ROBO1: variants seen among roughly 807,000 people sequenced by gnomAD.
The protein encoded by ROBO1 is roundabout homolog 1.
Under a neutral mutation model 195.9 loss-of-function variants are expected in ROBO1, and 149 were observed. That is an observed-to-expected ratio of 0.76 (90% CI 0.67 to 0.87). The LOEUF (loss-of-function observed/expected upper bound fraction) is 0.87. ROBO1 is among the 40% of genes least tolerant of loss of function. The pLI, the probability that ROBO1 is intolerant of heterozygous loss-of-function variation, is 0.00. For synonymous variants in ROBO1, 816 were observed against 733.2 expected (o/e 1.11, Z -1.82); for missense variants, 1,933 against 2,068.3 (o/e 0.93, Z 1.27).
intron 3 of ROBO1, among the ~76,000 whole-genome samples, chr3:79,025,329 C>A (rs138356710): frequency 6.6e-6 from 1 of 152,234 alleles, no homozygotes; most frequent in African/African-American, 2.4e-5. Context: ...ATCCTTTCCA[C>A]TTGTTTATTT....
At chr3:78,860,328 T>TATATA (rs1559934346) in intron 4 of ROBO1, among the ~76,000 whole-genome samples, 71 of 31,268 alleles carry the variant, frequency 2.3e-3, no homozygotes, top group Non-Finnish European at 3.1e-3. Flanking sequence ...ATATATATAT[T>TATATA]TTTTTTTTTT....
At chr3:79,353,369 C>CA (rs2035419288) in intron 2 of ROBO1, among the ~76,000 whole-genome samples, 1 of 149,548 alleles carries the variant, frequency 6.7e-6, no homozygotes, top group Non-Finnish European at 1.5e-5. Flanking sequence ...GAATTAACCT[C>CA]AAAAAAAGAA....
chr3:78,809,802 G>T (rs2084675333), intron 4 of ROBO1, among the ~76,000 whole-genome samples: 1 of 141,882 alleles, frequency 7.0e-6, no homozygotes, highest in Non-Finnish European at 1.6e-5. Flanking sequence ...AGAACACATG[G>T]ACACAGGGAG....
Position 78,627,574 on chromosome 3 carries a change from A to G in ROBO1, c.3627-5T>C, listed in dbSNP as rs759350817. ...CATGGCATTTCTTGGTCATAGCTAAAATAAATGATAAGGATGTGTAGACTT... is the reference window on the plus strand; with the variant it reads ...CATGGCATTTCTTGGTCATAGCTAAGATAAATGATAAGGATGTGTAGACTT... On this transcript the variant is annotated splice_polypyrimidine_tract_variant and splice_region_variant and intron_variant, in intron 25 of 30. Coordinates refer to ENST00000464233, the MANE Select transcript of ROBO1 (RefSeq NM_002941.4). 3.7e-6 allele frequency: 6 copies of G among 1,605,906 alleles called. No individual in the cohort carries two copies. Among genetic ancestry groups the G allele is most frequent in the Non-Finnish European group, 5.1e-6 (6 of 1,175,962 alleles).
At chr3:79,081,454 G>T (rs778564431) in intron 3 of ROBO1, among the ~76,000 whole-genome samples, 1 of 152,154 alleles carries the variant, frequency 6.6e-6, no homozygotes, top group Non-Finnish European at 1.5e-5. Context: ...AAAAGATAGT[G>T]TACTGAATAC....
chr3:79,202,590 C>A (rs1263039860), intron 2 of ROBO1, among the ~76,000 whole-genome samples: 2 of 138,006 alleles, frequency 1.4e-5, no homozygotes, highest in Admixed American at 7.3e-5. Context: ...GAAACAGAAG[C>A]AAAAAGTCAC....
intron 18 of ROBO1, among the ~76,000 whole-genome samples, chr3:78,653,004 C>T (rs1706774112): frequency 1.3e-5 from 2 of 152,018 alleles, no homozygotes; most frequent in Admixed American, 1.3e-4. Context: ...ATGTTCTTCC[C>T]CCACCACATC....
chr3:78,983,527 T>G (rs1225015936), intron 3 of ROBO1, among the ~76,000 whole-genome samples: 1 of 152,218 alleles, frequency 6.6e-6, no homozygotes, highest in Non-Finnish European at 1.5e-5. Flanking sequence ...TAAATGGCCA[T>G]AAGATTCAAG....
chr3:79,719,995 T>C (rs191175762), intron 1 of ROBO1, among the ~76,000 whole-genome samples: 10 of 152,352 alleles, frequency 6.6e-5, no homozygotes, highest in Admixed American at 2.0e-4. Flanking sequence ...AAATGTGTAC[T>C]ATAAAAATAT....
chr3:79,022,464 G>C (rs1412173278), intron 3 of ROBO1, among the ~76,000 whole-genome samples: 2 of 152,204 alleles, frequency 1.3e-5, no homozygotes, highest in African/African-American at 2.4e-5. Flanking sequence ...CTGGATCATA[G>C]CAAGTTGTCA....
chr3:79,377,188 AG>A (rs1316123551), intron 2 of ROBO1, among the ~76,000 whole-genome samples: 2 of 152,192 alleles, frequency 1.3e-5, no homozygotes, highest in East Asian at 3.8e-4. Flanking sequence ...TTATTAAAAA[AG>A]AAAAAAAGAC....
intron 1 of ROBO1, among the ~76,000 whole-genome samples, chr3:79,670,869 A>T (rs544757846): frequency 6.6e-6 from 1 of 151,926 alleles, no homozygotes; most frequent in East Asian, 2.0e-4. Flanking sequence ...TTACTGCAAT[A>T]TTTTCACTAT....
chr3:79,215,284 T>C (rs1234179635), intron 2 of ROBO1, among the ~76,000 whole-genome samples: 1 of 152,120 alleles, frequency 6.6e-6, no homozygotes, highest in Non-Finnish European at 1.5e-5. Flanking sequence ...GTGTGACCAG[T>C]GTTCTTCTTG....
chr3:79,040,462 A>T (rs1396515932), intron 3 of ROBO1, among the ~76,000 whole-genome samples: 4 of 152,204 alleles, frequency 2.6e-5, no homozygotes, highest in Non-Finnish European at 5.9e-5. Context: ...ATAATTTACA[A>T]GAAAGGATGA....
At chr3:79,079,833 G>A (rs992586715) in intron 3 of ROBO1, among the ~76,000 whole-genome samples, 3 of 151,624 alleles carry the variant, frequency 2.0e-5, no homozygotes, top group Non-Finnish European at 3.0e-5. Flanking sequence ...TTATAGAAGC[G>A]ATAGTCCATT....
intron 4 of ROBO1, among the ~76,000 whole-genome samples, chr3:78,793,485 T>G (rs2084087010): frequency 2.0e-5 from 3 of 152,212 alleles, no homozygotes. Context: ...GCCACCTAAG[T>G]GATGACAAGT....
At chr3:79,611,182 A>G (rs1215404751) in intron 1 of ROBO1, among the ~76,000 whole-genome samples, 1 of 146,650 alleles carries the variant, frequency 6.8e-6, no homozygotes, top group Admixed American at 6.7e-5. Context: ...CTTGGCTAAC[A>G]AATAGGCATC....
intron 3 of ROBO1, among the ~76,000 whole-genome samples, chr3:78,979,249 G>A (rs988110900): frequency 4.6e-5 from 7 of 152,122 alleles, no homozygotes; most frequent in African/African-American, 1.7e-4. Flanking sequence ...ATTAGGTCAA[G>A]CCAGCTCAGC....
At chr3:79,439,269 C>G (rs1045223350) in intron 2 of ROBO1, among the ~76,000 whole-genome samples, 1 of 152,022 alleles carries the variant, frequency 6.6e-6, no homozygotes, top group Non-Finnish European at 1.5e-5. Context: ...TAACTGACAT[C>G]AACTCAACAG....
Sources: gnomAD v4.1 joint callset for allele counts (sites outside exome capture counted in the v4.1 genomes callset) on GRCh38, gnomAD v4.1.1 for gene constraint, MANE v1.5 for transcripts, NCBI Gene and HGNC (gene_info 2026-07-23, HGNC 2026-07-21) for gene names.